Variants in SLC4A4 observed in about 807,000 individuals in gnomAD.
The protein encoded by SLC4A4 is electrogenic sodium bicarbonate cotransporter 1.
Under a neutral mutation model 111.5 loss-of-function variants are expected in SLC4A4, and 27 were observed. The ratio of observed to expected loss-of-function variants is 0.24; its 90% confidence interval spans 0.18 to 0.33. The LOEUF (loss-of-function observed/expected upper bound fraction) is 0.33. Among genes scored for constraint, SLC4A4 ranks in the 10% least tolerant of loss-of-function variants. The pLI, the probability that SLC4A4 is intolerant of heterozygous loss-of-function variation, is 1.00. For missense variants in SLC4A4, 909 were observed against 1,315.5 expected (o/e 0.69, Z 4.78); for synonymous variants, 443 against 463.4 (o/e 0.96, Z 0.57).
intron 3 of SLC4A4, among the ~76,000 whole-genome samples, chr4:71,275,199 T>A (rs1277028927): frequency 6.6e-6 from 1 of 152,218 alleles, no homozygotes; most frequent in African/African-American, 2.4e-5. Flanking sequence ...CCAGTGCCAG[T>A]ACAGCCCTTT....
chr4:71,492,820 T>C (rs924514152), intron 15 of SLC4A4, among the ~76,000 whole-genome samples: 4 of 151,938 alleles, frequency 2.6e-5, no homozygotes, highest in Non-Finnish European at 5.9e-5. Flanking sequence ...AGTCCCTCTT[T>C]TAGGGCTTAG....
intron 18 of SLC4A4, among the ~76,000 whole-genome samples, chr4:71,536,386 A>G (rs1734421515): frequency 6.8e-6 from 1 of 146,998 alleles, no homozygotes; most frequent in Non-Finnish European, 1.5e-5. Flanking sequence ...ATTTGTACTG[A>G]AAAATTTGCC....
chr4:71,124,673 T>C (rs1743518089), intron 2 of SLC4A4, among the ~76,000 whole-genome samples: 1 of 152,224 alleles, frequency 6.6e-6, no homozygotes, highest in Admixed American at 6.5e-5. Flanking sequence ...TTGAATAGCA[T>C]TGCTAAAATT....
In SLC4A4 at chr4:71,542,816, C is replaced by G. The variant is rs541468242; in HGVS notation, c.2443-3534C>G. Among the ~76,000 whole-genome samples the G allele has an allele frequency of 2.2e-4, 33 of 152,236 alleles. No individual in the cohort carries two copies. In the South Asian group the frequency reaches 6.6e-3, roughly 31 times the overall value. On this transcript the variant is annotated intron_variant, in intron 18 of 25. Transcript: ENST00000264485. The stretch of plus-strand genomic sequence containing the variant: ...CCAGCTCTACCATTCCAGTAAACCA[C>G]TGGAGGGAAGGACTGTGTATTATTT...
chr4:71,316,023 C>G (rs1726650476), intron 3 of SLC4A4, among the ~76,000 whole-genome samples: 1 of 152,126 alleles, frequency 6.6e-6, no homozygotes, highest in Admixed American at 6.6e-5. Context: ...AAGTTTAAAT[C>G]ATGAACTGCT....
At chr4:71,449,517 A>C (rs569607092) in intron 9 of SLC4A4, among the ~76,000 whole-genome samples, 37 of 152,128 alleles carry the variant, frequency 2.4e-4, no homozygotes, top group Admixed American at 5.2e-4. Flanking sequence ...CAACCCCACA[A>C]CCCCCAGACT....
chr4:71,166,165 A>G (rs988362178), intron 2 of SLC4A4, among the ~76,000 whole-genome samples: 2 of 152,202 alleles, frequency 1.3e-5, no homozygotes, highest in East Asian at 1.9e-4. Context: ...AAAAACTGCT[A>G]TCTTGGGAAA....
intron 7 of SLC4A4, among the ~76,000 whole-genome samples, chr4:71,430,496 T>C (rs1013928812): frequency 2.0e-5 from 3 of 152,182 alleles, no homozygotes; most frequent in African/African-American, 7.2e-5. Context: ...TTTAACCTGC[T>C]GTTCCTCACA....
chr4:71,216,170 A>G (rs900291201), intron 1 of SLC4A4, among the ~76,000 whole-genome samples: 6 of 152,160 alleles, frequency 3.9e-5, no homozygotes, highest in Admixed American at 1.3e-4. Context: ...TGGCCCCCCA[A>G]TGTGCTGGGA....
intron 2 of SLC4A4, among the ~76,000 whole-genome samples, chr4:71,172,404 T>A (rs917088272): frequency 6.6e-6 from 1 of 152,038 alleles, no homozygotes; most frequent in African/African-American, 2.4e-5. Context: ...TACAGGCACA[T>A]GCCACCATGC....
chr4:71,354,145 G>A (rs150416425), intron 5 of SLC4A4, among the ~76,000 whole-genome samples: 73 of 152,098 alleles, frequency 4.8e-4, no homozygotes, highest in African/African-American at 1.7e-3. Context: ...TGTCATTCAC[G>A]TATGAAGCCG....
chr4:71,195,186 C>G (rs1311735616), intron 1 of SLC4A4, among the ~76,000 whole-genome samples: 1 of 141,300 alleles, frequency 7.1e-6, no homozygotes, highest in Non-Finnish European at 1.5e-5. Context: ...GTTAGATTTT[C>G]TTACCCAAAG....
intron 1 of SLC4A4, among the ~76,000 whole-genome samples, chr4:71,227,269 G>A (rs1719109684): frequency 6.6e-6 from 1 of 152,150 alleles, no homozygotes; most frequent in Non-Finnish European, 1.5e-5. Flanking sequence ...GACGGTTCAG[G>A]GTGTATGGCA....
intron 14 of SLC4A4, among the ~76,000 whole-genome samples, chr4:71,475,637 T>C (rs1052212074): frequency 2.6e-5 from 4 of 151,940 alleles, no homozygotes; most frequent in African/African-American, 9.7e-5. Context: ...CAGAAGATCC[T>C]GTATTCAAGT....
chr4:71,255,753 A>G (rs1721405869), intron 3 of SLC4A4, among the ~76,000 whole-genome samples: 2 of 152,184 alleles, frequency 1.3e-5, no homozygotes, highest in Admixed American at 1.3e-4. Flanking sequence ...TATGCTTAGA[A>G]ATAGGTTCTG....
chr4:71,230,381 C>T (rs1422577483), intron 1 of SLC4A4, among the ~76,000 whole-genome samples: 1 of 152,186 alleles, frequency 6.6e-6, no homozygotes, highest in African/African-American at 2.4e-5. Flanking sequence ...TAAAACTCTT[C>T]ACTTGCTAGC....
In SLC4A4 at chr4:71,566,988, A is replaced by C; in HGVS notation, c.3197-16A>C. ...AAGATCTACCATTTATGTTTTTAAA[A>C]AATTTTATTTTCCAGGAGAAAGATC... On this transcript the variant is annotated splice_polypyrimidine_tract_variant and intron_variant, in intron 24 of 25. Transcript: ENST00000264485. The C allele has an allele frequency of 6.2e-7, 1 of 1,606,036 alleles. No individual in the cohort carries two copies.
chr4:71,107,902 C>G (rs75733875), intron 2 of SLC4A4, among the ~76,000 whole-genome samples: 3 of 151,962 alleles, frequency 2.0e-5, no homozygotes, highest in Non-Finnish European at 4.4e-5. Context: ...GGGTCTCACT[C>G]GGTTGTCTAA....
At chr4:71,486,837 A>G in intron 14 of SLC4A4, 111 bp from the exon 15 acceptor site, 1 of 628,242 alleles carries the variant, frequency 1.6e-6, no homozygotes, top group African/African-American at 1.9e-5. Context: ...TTATGTTGTT[A>G]TTAAAGACAT....
Sources: allele counts gnomAD v4.1 joint callset (sites outside exome capture counted in the v4.1 genomes callset), GRCh38; gene constraint gnomAD v4.1.1; transcripts MANE v1.5; gene names NCBI Gene and HGNC (gene_info 2026-07-23, HGNC 2026-07-21).